The following PREX2 variants were observed in gnomAD, a reference collection of about 807,000 sequenced individuals.
The protein encoded by PREX2 is phosphatidylinositol 3,4,5-trisphosphate-dependent Rac exchanger 2 protein.
In PREX2, 107 loss-of-function variants were observed where a neutral mutation model predicts 203.2. The ratio of observed to expected loss-of-function variants is 0.53; its 90% CI spans 0.45 to 0.62. The LOEUF is 0.62. PREX2 is among the 20% of genes least tolerant of loss of function. The pLI, the probability that PREX2 is intolerant of heterozygous loss-of-function variation, is 0.00. For synonymous variants in PREX2, 672 were observed against 663.6 expected, an observed-to-expected ratio of 1.01 and a Z score of -0.19; for missense variants, 1,777 against 1,955.9, an observed-to-expected ratio of 0.91 and a Z score of 1.72.
At chr8:67,976,633 CGGGAG>C (rs1413049135) in intron 1 of PREX2, among the ~76,000 whole-genome samples, 4 of 42,286 alleles carry the variant, frequency 9.5e-5, no homozygotes, top group Non-Finnish European at 1.7e-4. Flanking sequence ...GAGAGAGAGA[CGGGAG>C]AGAGACAGAG....
At chr8:68,016,149 C>G (rs1409057218) in intron 1 of PREX2, among the ~76,000 whole-genome samples, 1 of 152,104 alleles carries the variant, frequency 6.6e-6, no homozygotes, top group Non-Finnish European at 1.5e-5. Context: ...CTAAATATTA[C>G]AAAAATTAGA....
chr8:68,200,523 C>A (rs1812480419), intron 37 of PREX2, among the ~76,000 whole-genome samples: 1 of 151,538 alleles, frequency 6.6e-6, no homozygotes, highest in Admixed American at 6.6e-5. Context: ...GAAAAGGTTT[C>A]ATTGTATTAC....
intron 34 of PREX2, among the ~76,000 whole-genome samples, chr8:68,147,801 A>G (rs1010385960): frequency 1.3e-5 from 2 of 152,228 alleles, no homozygotes; most frequent in African/African-American, 4.8e-5. Context: ...AGGAGTTACT[A>G]GAAGGTATTT....
At chr8:68,157,911 T>G (rs1015392885) in intron 35 of PREX2, among the ~76,000 whole-genome samples, 1 of 152,026 alleles carries the variant, frequency 6.6e-6, no homozygotes, top group Non-Finnish European at 1.5e-5. Flanking sequence ...TGTCCCTTAA[T>G]GCTTGCATTT....
chr8:68,117,315 C>T (rs1810678528), intron 26 of PREX2, among the ~76,000 whole-genome samples: 1 of 152,206 alleles, frequency 6.6e-6, no homozygotes, highest in South Asian at 2.1e-4. Flanking sequence ...ACCAGGTGGT[C>T]TGGCTTCCCA....
At chr8:68,142,314 C>T (rs368275310) in intron 33 of PREX2, among the ~76,000 whole-genome samples, 2 of 152,116 alleles carry the variant, frequency 1.3e-5, no homozygotes, top group Non-Finnish European at 2.9e-5. Context: ...TGCACCCAAC[C>T]CCTGGCATCC....
At chr8:68,019,763 A>G (rs1807511666) in intron 3 of PREX2, 92 bp downstream of exon 3, 1 of 1,272,866 alleles carries the variant, frequency 7.9e-7, no homozygotes, top group Non-Finnish European at 1.1e-6. Flanking sequence ...ATTCAGTATT[A>G]GAAGTAAAAT....
At chr8:68,002,815 G>T (rs1370441228) in intron 1 of PREX2, among the ~76,000 whole-genome samples, 1 of 152,144 alleles carries the variant, frequency 6.6e-6, no homozygotes, top group East Asian at 1.9e-4. Context: ...AACAGAGTTT[G>T]TTGACCCAGG....
rs766901408 is a variant in PREX2 at position 68,191,798 on chromosome 8, G to A, written c.4413+10G>A. On this transcript the variant is annotated intron_variant, in intron 36 of 39. Coordinates refer to ENST00000288368, the MANE Select transcript of PREX2 (RefSeq NM_024870.4). Reference sequence around the variant, plus strand: ...TGCCTATGTAGATAAGGTAAAAACAGATGATTATATTTATTGGTGCTTTTT... The same window carrying A: ...TGCCTATGTAGATAAGGTAAAAACAAATGATTATATTTATTGGTGCTTTTT... The A allele has an allele frequency of 5.1e-6, 8 of 1,556,582 alleles. No homozygotes were observed. In the South Asian group the frequency reaches 5.7e-5, roughly 11 times the overall value.
chr8:68,138,353 T>A (rs531654745), intron 32 of PREX2, 62 bp from the exon 33 acceptor site: 1 of 852,488 alleles, frequency 1.2e-6, no homozygotes, highest in East Asian at 2.8e-5. Context: ...TTACATTATG[T>A]CATGTTACGT....
intron 23 of PREX2, among the ~76,000 whole-genome samples, chr8:68,107,114 G>T (rs149500737): frequency 6.6e-6 from 1 of 152,116 alleles, no homozygotes; most frequent in African/African-American, 2.4e-5. Flanking sequence ...AGGTTACAGC[G>T]TGCTGGAACT....
At chr8:68,148,797 G>A (rs1236168022) in intron 34 of PREX2, among the ~76,000 whole-genome samples, 1 of 152,186 alleles carries the variant, frequency 6.6e-6, no homozygotes, top group Non-Finnish European at 1.5e-5. Context: ...AAAACATTCT[G>A]TACCATTAAA....
chr8:68,077,031 T>A (rs1027948631), intron 14 of PREX2, among the ~76,000 whole-genome samples: 6 of 152,132 alleles, frequency 3.9e-5, no homozygotes, highest in African/African-American at 1.4e-4. Context: ...TTAATTAGAG[T>A]GTTGTCAATT....
At chr8:68,025,143 G>A (rs1807679539) in intron 4 of PREX2, among the ~76,000 whole-genome samples, 1 of 151,648 alleles carries the variant, frequency 6.6e-6, no homozygotes, top group African/African-American at 2.4e-5. Context: ...TCAGCCCTTA[G>A]TACTTCTTCT....
In PREX2 at chr8:68,003,449, G is replaced by A. The variant is rs576749133; in HGVS notation, c.142-14397G>A. 3.3e-5 allele frequency among the ~76,000 whole-genome samples: 5 copies of A among 152,328 alleles called. No individual in the cohort carries two copies. In the South Asian group the frequency reaches 1.0e-3, roughly 32 times the overall value. The stretch of plus-strand genomic sequence containing the variant: ...CACCTTTCTTGGGTGGAGCTAGTGA[G>A]TACTATAGACCAGGAAGACTTTAGC... On this transcript the variant is annotated intron_variant, in intron 1 of 39. Transcript: ENST00000288368.
intron 1 of PREX2, among the ~76,000 whole-genome samples, chr8:67,997,886 C>T (rs1806812769): frequency 6.6e-6 from 1 of 152,096 alleles, no homozygotes; most frequent in South Asian, 2.1e-4. Flanking sequence ...AATCCATGAA[C>T]GTGGTAGCTC....
intron 25 of PREX2, among the ~76,000 whole-genome samples, chr8:68,109,937 T>G (rs1258443021): frequency 6.6e-6 from 1 of 152,212 alleles, no homozygotes; most frequent in Admixed American, 6.5e-5. Flanking sequence ...CAGTTTTGTA[T>G]GAGGATTTCC....
chr8:68,136,243 T>C (rs1157653522), intron 32 of PREX2, among the ~76,000 whole-genome samples: 1 of 151,578 alleles, frequency 6.6e-6, no homozygotes, highest in Non-Finnish European at 1.5e-5. Flanking sequence ...GTGAGTTATA[T>C]CTCAATGAAG....
chr8:68,083,433 G>T, intron 18 of PREX2, 45 bp downstream of exon 18: 1 of 1,408,788 alleles, frequency 7.1e-7, no homozygotes, highest in South Asian at 1.3e-5. Flanking sequence ...GTTATACATA[G>T]ATAAGTAACA....
Sources: gnomAD v4.1 joint callset for allele counts (sites outside exome capture counted in the v4.1 genomes callset) on GRCh38, gnomAD v4.1.1 for gene constraint, MANE v1.5 for transcripts, NCBI Gene and HGNC (gene_info 2026-07-23, HGNC 2026-07-21) for gene names.